Variants in AGPAT5 observed in about 807,000 individuals in gnomAD.
AGPAT5 encodes 1-acylglycerol-3-phosphate O-acyltransferase 5, also known as 1-acyl-sn-glycerol-3-phosphate acyltransferase epsilon.
AGPAT5 carries 46 observed loss-of-function variants against 45.6 expected under a neutral mutation model. The ratio of observed to expected loss-of-function variants is 1.01; its 90% CI spans 0.80 to 1.29. The LOEUF (loss-of-function observed/expected upper bound fraction) is 1.29, where lower values mean the gene tolerates loss of function less well. Ranked by LOEUF, AGPAT5 falls within the 50% of genes most tolerant of loss-of-function variation. The pLI is 0.00. For missense variants in AGPAT5, 673 were observed against 450.7 expected (o/e 1.49, Z -4.47); for synonymous variants, 272 against 167.0 (o/e 1.63, Z -4.85).
chr8:6,721,752 G>A (rs1800509742), intron 1 of AGPAT5, among the ~76,000 whole-genome samples: 1 of 152,136 alleles, frequency 6.6e-6, no homozygotes, highest in Non-Finnish European at 1.5e-5. Context: ...GGGTAGCTAG[G>A]GCTTGTGAAT....
chr8:6,751,921 G>A (rs1801668889), intron 6 of AGPAT5, among the ~76,000 whole-genome samples: 2 of 152,136 alleles, frequency 1.3e-5, no homozygotes, highest in South Asian at 2.1e-4. Context: ...GCTCACGCGT[G>A]TAATCCCAGC....
chr8:6,751,061 G>T (rs1801641468), intron 6 of AGPAT5, among the ~76,000 whole-genome samples: 1 of 151,834 alleles, frequency 6.6e-6, no homozygotes, highest in Non-Finnish European at 1.5e-5. Flanking sequence ...TCTGTCACTG[G>T]CTCAGCCCTG....
chr8:6,736,809 C>G (rs558659520), intron 4 of AGPAT5, among the ~76,000 whole-genome samples: 1 of 152,372 alleles, frequency 6.6e-6, no homozygotes, highest in Non-Finnish European at 1.5e-5. Context: ...TACTTTCACC[C>G]TGAGAGTAGA....
chr8:6,746,606 T>C (rs1032124974), intron 5 of AGPAT5, among the ~76,000 whole-genome samples: 1 of 152,164 alleles, frequency 6.6e-6, no homozygotes. Flanking sequence ...GTTGCAAGTT[T>C]GTGAATCAAT....
chr8:6,718,488 T>C (rs886788013), intron 1 of AGPAT5, among the ~76,000 whole-genome samples: 2 of 140,998 alleles, frequency 1.4e-5, no homozygotes, highest in Admixed American at 1.5e-4. Context: ...ATACAGAGGC[T>C]TGTAACATCC....
intron 6 of AGPAT5, among the ~76,000 whole-genome samples, chr8:6,752,768 C>G (rs1209198127): frequency 6.6e-6 from 1 of 152,162 alleles, no homozygotes; most frequent in Non-Finnish European, 1.5e-5. Context: ...ATGAACTATC[C>G]TTCAACTAAG....
intron 7 of AGPAT5, among the ~76,000 whole-genome samples, chr8:6,755,818 T>C (rs543697358): frequency 1.3e-5 from 2 of 152,218 alleles, no homozygotes; most frequent in Admixed American, 1.3e-4. Context: ...GTGAAAATGA[T>C]TAAAAGTGTA....
chr8:6,718,116 CAT>C (rs1800391321), intron 1 of AGPAT5, among the ~76,000 whole-genome samples: 1 of 152,134 alleles, frequency 6.6e-6, no homozygotes, highest in African/African-American at 2.4e-5. Flanking sequence ...AATGGTACAT[CAT>C]AGATACTCAG....
At chr8:6,719,343 G>C (rs1447250715) in intron 1 of AGPAT5, among the ~76,000 whole-genome samples, 1 of 152,176 alleles carries the variant, frequency 6.6e-6, no homozygotes, top group Non-Finnish European at 1.5e-5. Flanking sequence ...CTACTTGCAG[G>C]ATCCTCAAGT....
intron 4 of AGPAT5, among the ~76,000 whole-genome samples, chr8:6,737,513 C>T (rs969773622): frequency 1.3e-5 from 2 of 152,064 alleles, no homozygotes; most frequent in Non-Finnish European, 2.9e-5. Flanking sequence ...ATTGCTGGGA[C>T]AATACAGTAT....
At position 6,734,026 on chromosome 8, in the gene AGPAT5, G is replaced by A. The variant is rs140236882; in HGVS notation, c.495+1376G>A. Among the ~76,000 whole-genome samples, 987 of 152,212 alleles carry A rather than the reference G, an allele frequency of 6.5e-3. 9 individuals carry two copies. Among genetic ancestry groups the A allele is most frequent in the African/African-American group, 0.023 (946 of 41,520 alleles). On this transcript the variant is annotated intron_variant, in intron 4 of 7. Coordinates refer to ENST00000285518, the MANE Select transcript of AGPAT5 (RefSeq NM_018361.5). Reference sequence around the variant, plus strand: ...CTTCGTGAGTTTCTTCTTGTTTTTGGTTTGCAGCAGTTTAAGTATCATATA... The same window carrying A: ...CTTCGTGAGTTTCTTCTTGTTTTTGATTTGCAGCAGTTTAAGTATCATATA...
At chr8:6,716,507 G>T (rs1800334542) in intron 1 of AGPAT5, among the ~76,000 whole-genome samples, 1 of 151,998 alleles carries the variant, frequency 6.6e-6, no homozygotes, top group South Asian at 2.1e-4. Flanking sequence ...GCTCCAGCTT[G>T]GGCGACAGAG....
rs1052413364 is a variant in AGPAT5, at chr8:6,757,019, C to T, written c.870-144C>T. On this transcript the variant is annotated intron_variant, in intron 7 of 7. Coordinates refer to ENST00000285518, the MANE Select transcript of AGPAT5 (RefSeq NM_018361.5). ...AGAAGACTAGAAACTTCTATTAAACCAAGTTTCTGGATGTTTCCGTATTCA... is the reference window on the plus strand; with the variant it reads ...AGAAGACTAGAAACTTCTATTAAACTAAGTTTCTGGATGTTTCCGTATTCA... 1.1e-5 allele frequency: 7 copies of T among 626,172 alleles called. No homozygotes were observed. The South Asian group carries it at 1.3e-4, about 11-fold the overall frequency. The allele number at this position is 626,172 out of a possible 1,614,324, so 38.8% of individuals were successfully genotyped here. A position where few individuals can be genotyped will look rare whatever the true frequency, so the allele number is the denominator to read the frequency against.
intron 6 of AGPAT5, among the ~76,000 whole-genome samples, chr8:6,752,930 C>T (rs1021918514): frequency 3.3e-5 from 5 of 152,162 alleles, no homozygotes; most frequent in African/African-American, 1.2e-4. Flanking sequence ...CTCATTGTCC[C>T]TACCTGGGTC....
At chr8:6,716,422 A>G (rs929030114) in intron 1 of AGPAT5, among the ~76,000 whole-genome samples, 3 of 152,022 alleles carry the variant, frequency 2.0e-5, no homozygotes, top group African/African-American at 4.8e-5. Context: ...CTTACTGGGC[A>G]TGGTGGTGTG....
chr8:6,746,413 C>T (rs527663774), intron 5 of AGPAT5, among the ~76,000 whole-genome samples: 62 of 152,278 alleles, frequency 4.1e-4, no homozygotes, highest in African/African-American at 1.4e-3. Context: ...AGCTTTCTGT[C>T]TTTATTTCCT....
At chr8:6,718,530 G>A (rs533832126) in intron 1 of AGPAT5, among the ~76,000 whole-genome samples, 3 of 152,226 alleles carry the variant, frequency 2.0e-5, no homozygotes, top group South Asian at 2.1e-4. Context: ...CTTTCAGTGC[G>A]AATAAACATG....
chr8:6,724,992 C>T (rs1800637948), intron 2 of AGPAT5, 53 bp downstream of exon 2: 1 of 647,720 alleles, frequency 1.5e-6, no homozygotes, highest in East Asian at 3.7e-5. Context: ...GGCACATGGG[C>T]ATTCAAAATA....
chr8:6,724,326 T>C (rs959593396), intron 1 of AGPAT5, among the ~76,000 whole-genome samples: 1 of 152,212 alleles, frequency 6.6e-6, no homozygotes, highest in East Asian at 1.9e-4. Context: ...GTTCTTATTC[T>C]CATGAACATT....
Sources: gnomAD v4.1 joint callset for allele counts (sites outside exome capture counted in the v4.1 genomes callset) on GRCh38, gnomAD v4.1.1 for gene constraint, MANE v1.5 for transcripts, NCBI Gene and HGNC (gene_info 2026-07-23, HGNC 2026-07-21) for gene names.